Variants in INPP5D observed in about 807,000 individuals in gnomAD.
INPP5D encodes inositol polyphosphate-5-phosphatase D.
Under a neutral mutation model 122.9 loss-of-function variants are expected in INPP5D, and 33 were observed. The ratio of observed to expected loss-of-function variants is 0.27; its 90% CI spans 0.20 to 0.36. The LOEUF (loss-of-function observed/expected upper bound fraction) is 0.36, where lower values mean the gene tolerates loss of function less well. Ranked by LOEUF, INPP5D falls within the 10% of genes least tolerant of loss-of-function variation. INPP5D has a pLI of 1.00. For synonymous variants in INPP5D, 584 were observed against 576.2 expected, an observed-to-expected ratio of 1.01 and a Z score of -0.19; for missense variants, 1,053 against 1,412.7, an observed-to-expected ratio of 0.75 and a Z score of 4.08.
chr2:233,144,725 G>A (rs1294426307), intron 6 of INPP5D, among the ~76,000 whole-genome samples: 4 of 111,236 alleles, frequency 3.6e-5, no homozygotes, highest in Non-Finnish European at 6.3e-5. Flanking sequence ...GTGGAGGTGG[G>A]CATGATCATG....
In INPP5D at chr2:233,146,332, C is replaced by T. The variant is rs1182436382; in HGVS notation, c.835-35C>T. On this transcript the variant is annotated intron_variant, in intron 7 of 26. Coordinates refer to ENST00000445964, the MANE Select transcript of INPP5D (RefSeq NM_001017915.3). ...GCCCAGATGCACAGGCTCGGCGTCC[C>T]CTTGACCCTCTGTCTCTAACGCTGC... 4.3e-6 allele frequency: 3 copies of T among 704,172 alleles called. No homozygotes were observed. In the East Asian group the frequency reaches 8.0e-5, roughly 19 times the overall value. 43.6% of individuals were successfully genotyped at this position (704,172 alleles called of 1,614,324 possible). A position where few individuals can be genotyped will look rare whatever the true frequency, so the allele number is the denominator to read the frequency against.
In INPP5D at chr2:233,115,025, G is replaced by A. The variant is rs569063842; in HGVS notation, c.199-7082G>A. On this transcript the variant is annotated intron_variant, in intron 2 of 26. Coordinates refer to ENST00000445964, the MANE Select transcript of INPP5D (RefSeq NM_001017915.3). Reference sequence around the variant, plus strand: ...TGGGATTACAGGCATGTGCCACCGCGCCTATCTAATTTTGTATTTTCAGTA... The same window carrying A: ...TGGGATTACAGGCATGTGCCACCGCACCTATCTAATTTTGTATTTTCAGTA... Among the ~76,000 whole-genome samples, 354 of 152,142 alleles carry A rather than the reference G, an allele frequency of 2.3e-3. 5 individuals carry two copies. In the South Asian group the frequency reaches 0.033, roughly 14 times the overall value.
chr2:233,062,152 G>A (rs1691095017), intron 1 of INPP5D, among the ~76,000 whole-genome samples: 1 of 152,250 alleles, frequency 6.6e-6, no homozygotes, highest in Non-Finnish European at 1.5e-5. Context: ...GGCCCATGTG[G>A]GTTACTTGGA....
Position 233,206,477 on chromosome 2 carries a change from T to C in INPP5D, c.3568-229T>C, listed in dbSNP as rs1214955480. Reference sequence around the variant, plus strand: ...AAGAATTCAAGGCTGCAGTGAGCTATGATTGCACCACTGCACTCCAGACTA... The same window carrying C: ...AAGAATTCAAGGCTGCAGTGAGCTACGATTGCACCACTGCACTCCAGACTA... On this transcript the variant is annotated intron_variant, in intron 26 of 26. Transcript: ENST00000445964. The surrounding 1 kb of genome is among the most constrained non-coding windows in gnomAD (Gnocchi z 4.0). Among the ~76,000 whole-genome samples, 1 of 151,748 alleles carries C rather than the reference T, an allele frequency of 6.6e-6. No homozygotes were observed. The highest frequency in any genetic ancestry group is 1.5e-5 in the Non-Finnish European group (1 of 67,934).
intron 18 of INPP5D, among the ~76,000 whole-genome samples, chr2:233,179,925 GT>G: frequency 6.6e-6 from 1 of 152,316 alleles, no homozygotes; most frequent in East Asian, 1.9e-4. Flanking sequence ...TTGCTCGCGA[GT>G]CTCTGCGCTA....
At chr2:233,086,121 CT>C (rs1553569185) in intron 2 of INPP5D, among the ~76,000 whole-genome samples, 1 of 67,332 alleles carries the variant, frequency 1.5e-5, no homozygotes, top group Non-Finnish European at 2.7e-5. Context: ...AAGATAGCCT[CT>C]TTCTTTCTTT....
At chr2:233,107,590 G>A (rs947483594) in intron 2 of INPP5D, among the ~76,000 whole-genome samples, 1 of 152,196 alleles carries the variant, frequency 6.6e-6, no homozygotes, top group Non-Finnish European at 1.5e-5. Flanking sequence ...AAAACAAGGC[G>A]AGAGGAATGT....
At chr2:233,181,021 T>C (rs906236273) in intron 18 of INPP5D, among the ~76,000 whole-genome samples, 2 of 152,188 alleles carry the variant, frequency 1.3e-5, no homozygotes, top group Admixed American at 1.3e-4. Context: ...CTCCCTCCTG[T>C]CTCAGAGAAG....
At chr2:233,168,645 T>G (rs376134817) in intron 13 of INPP5D, among the ~76,000 whole-genome samples, 1 of 152,388 alleles carries the variant, frequency 6.6e-6, no homozygotes, top group Middle Eastern at 3.4e-3. Flanking sequence ...ATGGTTTTTC[T>G]TTTGATTTGT....
intron 6 of INPP5D, chr2:233,141,348 C>G (rs1693627984): frequency 6.6e-6 from 1 of 152,172 alleles, no homozygotes; most frequent in African/African-American, 2.4e-5. Context: ...GGGTGGATCA[C>G]CTGAGGTCGG....
At chr2:233,161,876 C>G (rs1248581710) in intron 11 of INPP5D, 50 bp downstream of exon 11, 1 of 1,572,624 alleles carries the variant, frequency 6.4e-7, no homozygotes, top group Non-Finnish European at 8.6e-7. Flanking sequence ...CTTCTGCTTT[C>G]CTGACTCAGG....
At chr2:233,156,036 C>T (rs1694044234) in intron 9 of INPP5D, among the ~76,000 whole-genome samples, 1 of 152,202 alleles carries the variant, frequency 6.6e-6, no homozygotes, top group Non-Finnish European at 1.5e-5. Context: ...GCAAAATCAG[C>T]TGAGGGAAAA....
chr2:233,162,065 G>A (rs550713961), intron 11 of INPP5D, among the ~76,000 whole-genome samples: 3 of 152,306 alleles, frequency 2.0e-5, no homozygotes, highest in South Asian at 4.1e-4. Flanking sequence ...AGCAGCTGGC[G>A]TGGGTTACTC....
rs1338813713 is a variant in INPP5D at position 233,098,413 on chromosome 2, C to T, written c.198+19015C>T. ...ACTGCGAGGCTCCTCTTTGGTGAGA[C>T]GTGGTGCTGGAGGCGTGGTCAGGGC... On this transcript the variant is annotated intron_variant, in intron 2 of 26. Transcript: ENST00000445964. Among the ~76,000 whole-genome samples, 6 of 152,174 alleles carry T rather than the reference C, an allele frequency of 3.9e-5. No homozygotes were observed. The South Asian group carries it at 8.3e-4, about 21-fold the overall frequency.
chr2:233,082,579 G>A lies in INPP5D; in HGVS notation c.198+3181G>A, dbSNP rs925956013. 6.6e-6 allele frequency among the ~76,000 whole-genome samples: 1 copy of A among 152,142 alleles called. No homozygotes were observed. Among genetic ancestry groups the A allele is most frequent in the African/African-American group, 2.4e-5 (1 of 41,430 alleles). On this transcript the variant is annotated intron_variant, in intron 2 of 26. Coordinates refer to ENST00000445964, the MANE Select transcript of INPP5D (RefSeq NM_001017915.3). This position sits in a 1 kb window ranked among gnomAD's most constrained non-coding sequence, Gnocchi z 4.7. Reference sequence around the variant, plus strand: ...TTTAGCTCTTTTCCTGGGGACTTCTGTTCTCTTGTCAACACCAAAGATCTC... The same window carrying A: ...TTTAGCTCTTTTCCTGGGGACTTCTATTCTCTTGTCAACACCAAAGATCTC...
chr2:233,152,866 G>T (rs574989314), intron 9 of INPP5D, among the ~76,000 whole-genome samples: 239 of 152,300 alleles, frequency 1.6e-3, no homozygotes, highest in Non-Finnish European at 2.2e-3. Context: ...TTTCAGCTGG[G>T]GGGGGTGTGG....
intron 9 of INPP5D, among the ~76,000 whole-genome samples, chr2:233,150,235 A>T (rs1693887845): frequency 6.6e-6 from 1 of 152,116 alleles, no homozygotes; most frequent in Non-Finnish European, 1.5e-5. Context: ...TAATTAAATC[A>T]CTGGGATGAG....
chr2:233,101,611 A>G (rs570467832), intron 2 of INPP5D, among the ~76,000 whole-genome samples: 2 of 144,804 alleles, frequency 1.4e-5, no homozygotes, highest in Non-Finnish European at 3.0e-5. Context: ...TTAAATAATT[A>G]TAATATATAA....
In INPP5D at chr2:233,082,749, G is replaced by A. The variant is rs1204194617; in HGVS notation, c.198+3351G>A. 1.3e-5 allele frequency among the ~76,000 whole-genome samples: 2 copies of A among 152,180 alleles called. No homozygotes were observed. Among genetic ancestry groups the A allele is most frequent in the Non-Finnish European group, 2.9e-5 (2 of 68,030 alleles). ...TCTTTCACAGACTTAAAAAAAATCC[G>A]AGATGGGAGGGCAGGATGCAAACTG... On this transcript the variant is annotated intron_variant, in intron 2 of 26. Coordinates refer to ENST00000445964, the MANE Select transcript of INPP5D (RefSeq NM_001017915.3). This position sits in a 1 kb window ranked among gnomAD's most constrained non-coding sequence, Gnocchi z 4.7.
Sources: allele counts gnomAD v4.1 joint callset (sites outside exome capture counted in the v4.1 genomes callset), GRCh38; gene constraint gnomAD v4.1.1; non-coding constraint Gnocchi (gnomAD v3.1); transcripts MANE v1.5; gene names NCBI Gene and HGNC (gene_info 2026-07-23, HGNC 2026-07-21).